Variants in DIAPH2 observed in about 807,000 individuals in gnomAD.
DIAPH2 encodes the protein diaphanous related formin 2, also known as protein diaphanous homolog 2.
DIAPH2 carries 35 observed loss-of-function variants against 92.7 expected under a neutral mutation model. The observed-to-expected ratio is 0.38, with a 90% CI of 0.29 to 0.50. The LOEUF (loss-of-function observed/expected upper bound fraction) is 0.50. Among genes scored for constraint, DIAPH2 ranks in the 20% least tolerant of loss-of-function variants. The pLI, the probability that DIAPH2 is intolerant of heterozygous loss-of-function variation, is 0.94. For synonymous variants in DIAPH2, 301 were observed against 280.4 expected (o/e 1.07, Z -0.73); for missense variants, 701 against 819.5 (o/e 0.86, Z 1.77).
intron 26 of DIAPH2, among the ~76,000 whole-genome samples, chrX:97,599,031 G>C (rs5966759): frequency 1.7e-4 from 19 of 111,016 alleles, no homozygotes; most frequent in African/African-American, 5.9e-4. Context: ...CTCTGACTTC[G>C]CTTACCAAGA....
chrX:96,842,172 T>TC (rs1318001842), intron 4 of DIAPH2, among the ~76,000 whole-genome samples: 2 of 111,887 alleles, frequency 1.8e-5, no homozygotes, highest in Admixed American at 1.9e-4. Flanking sequence ...ATGCCCTCCT[T>TC]CCCCAAGCTA....
At chrX:97,270,118 G>A (rs980044443) in intron 23 of DIAPH2, among the ~76,000 whole-genome samples, 2 of 110,784 alleles carry the variant, frequency 1.8e-5, no homozygotes, top group Non-Finnish European at 3.8e-5. Flanking sequence ...TAATAGAGAC[G>A]GGGTTTTTCC....
chrX:96,750,274 C>T (rs750013272), intron 3 of DIAPH2, among the ~76,000 whole-genome samples: 2 of 110,514 alleles, frequency 1.8e-5, no homozygotes, highest in African/African-American at 3.3e-5. Context: ...GTGATCCGCC[C>T]GCCTTGGCCT....
intron 1 of DIAPH2, among the ~76,000 whole-genome samples, chrX:96,734,259 G>T (rs1373576802): frequency 8.9e-6 from 1 of 111,973 alleles, no homozygotes; most frequent in African/African-American, 3.2e-5. Flanking sequence ...TTCCAGCCTG[G>T]AGTTTATAAC....
chrX:97,396,506 T>C (rs2069705824), intron 25 of DIAPH2, among the ~76,000 whole-genome samples: 1 of 110,516 alleles, frequency 9.0e-6, no homozygotes, highest in Non-Finnish European at 1.9e-5. Flanking sequence ...ACCCCGTCTC[T>C]ACTAAAACTA....
At chrX:97,498,628 A>T (rs1023898074) in intron 26 of DIAPH2, among the ~76,000 whole-genome samples, 10 of 111,346 alleles carry the variant, frequency 9.0e-5, no homozygotes, top group African/African-American at 3.3e-4. Context: ...GAGCCCTTAC[A>T]TCAGGAGACT....
In DIAPH2 at chrX:97,114,971, A is replaced by G; in HGVS notation, c.2589+6A>G. 1.7e-6 allele frequency: 2 copies of G among 1,153,284 alleles called. No individual in the cohort carries two copies. Among genetic ancestry groups the G allele is most frequent in the South Asian group, 2.2e-5 (1 of 45,954 alleles). On this transcript the variant is annotated splice_donor_region_variant and intron_variant, in intron 21 of 26. Transcript: ENST00000324765. Reference sequence around the variant, plus strand: ...AGATCAACTTCCTTTGTAAGGTAAGATGACATTTTATAATGCTAATTTACA... The same window carrying G: ...AGATCAACTTCCTTTGTAAGGTAAGGTGACATTTTATAATGCTAATTTACA...
At chrX:97,547,246 G>A (rs773867007) in intron 26 of DIAPH2, among the ~76,000 whole-genome samples, 10 of 111,356 alleles carry the variant, frequency 9.0e-5, no homozygotes, top group Middle Eastern at 4.6e-3. Flanking sequence ...TCAGACTGAT[G>A]GTAAAACAAG....
intron 22 of DIAPH2, among the ~76,000 whole-genome samples, chrX:97,173,744 G>GA (rs1458652123): frequency 9.1e-6 from 1 of 110,078 alleles, no homozygotes; most frequent in African/African-American, 3.3e-5. Flanking sequence ...CATATCTACA[G>GA]AAAAAATACA....
In DIAPH2 at chrX:96,916,502, C is replaced by G; in HGVS notation, c.797C>G (p.Pro266Arg). The change falls in exon 8 of 27, where the codon CCC (proline) becomes CGC (arginine). Residue 266 changes from proline to arginine, a missense_variant. Coordinates refer to ENST00000324765, the MANE Select transcript of DIAPH2 (RefSeq NM_006729.5). The part of the protein sequence containing the change: ...SLLLLARAID[P>R]KQPNMMTEIV... ...TTACTATTGGCAAGAGCAATTGACCCCAAACAACCCAACATGATGACTGAA... is the reference window on the plus strand; with the variant it reads ...TTACTATTGGCAAGAGCAATTGACCGCAAACAACCCAACATGATGACTGAA... 1 of 1,202,753 alleles carries G rather than the reference C, an allele frequency of 8.3e-7. No homozygotes were observed. Among genetic ancestry groups the G allele is most frequent in the Non-Finnish European group, 1.1e-6 (1 of 891,434 alleles).
At chrX:96,777,301 C>T (rs947233736) in intron 4 of DIAPH2, among the ~76,000 whole-genome samples, 2 of 111,421 alleles carry the variant, frequency 1.8e-5, no homozygotes, top group Non-Finnish European at 3.8e-5. Context: ...ATCCCTTTAT[C>T]GGATTAAAAT....
intron 5 of DIAPH2, among the ~76,000 whole-genome samples, chrX:96,895,518 A>C (rs1487202460): frequency 8.9e-6 from 1 of 112,072 alleles, no homozygotes; most frequent in Admixed American, 9.5e-5. Context: ...ACTATTTAAA[A>C]TAATAATCCT....
intron 25 of DIAPH2, among the ~76,000 whole-genome samples, chrX:97,395,881 C>T (rs891931389): frequency 8.9e-6 from 1 of 112,389 alleles, no homozygotes; most frequent in Non-Finnish European, 1.9e-5. Context: ...GTGTGCTGAA[C>T]ATTTAACAAG....
At chrX:96,814,486 G>A (rs1301596098) in intron 4 of DIAPH2, among the ~76,000 whole-genome samples, 6 of 111,572 alleles carry the variant, frequency 5.4e-5, no homozygotes, top group African/African-American at 1.6e-4. Context: ...CCTTTAGCTC[G>A]GAGAAGTTGG....
chrX:97,163,462 T>A (rs2067389683), intron 22 of DIAPH2, among the ~76,000 whole-genome samples: 1 of 111,982 alleles, frequency 8.9e-6, no homozygotes, highest in Admixed American at 9.5e-5. Flanking sequence ...AGTGCTAGGA[T>A]TATAGGTGTG....
At chrX:97,009,259 C>T (rs943562571) in intron 17 of DIAPH2, among the ~76,000 whole-genome samples, 3 of 111,071 alleles carry the variant, frequency 2.7e-5, no homozygotes, top group African/African-American at 6.5e-5. Context: ...CATTGAAGGC[C>T]GAAGGGCTCT....
intron 24 of DIAPH2, among the ~76,000 whole-genome samples, chrX:97,363,757 TAAG>T (rs2069352095): frequency 9.1e-6 from 1 of 109,565 alleles, no homozygotes; most frequent in South Asian, 4.0e-4. Context: ...ATATCTTATT[TAAG>T]AAGATAGACA....
At chrX:96,854,641 A>C (rs1335748908) in intron 4 of DIAPH2, among the ~76,000 whole-genome samples, 7 of 77,682 alleles carry the variant, frequency 9.0e-5, no homozygotes, top group East Asian at 8.2e-4. Context: ...ATATATATAT[A>C]TCCATCTGAT....
At chrX:97,257,184 A>G (rs2068244793) in intron 23 of DIAPH2, among the ~76,000 whole-genome samples, 1 of 111,999 alleles carries the variant, frequency 8.9e-6, no homozygotes, top group African/African-American at 3.2e-5. Context: ...TTGAATTTTA[A>G]TAATAGGATT....
Sources: allele counts gnomAD v4.1 joint callset (sites outside exome capture counted in the v4.1 genomes callset), GRCh38; gene constraint gnomAD v4.1.1; transcripts MANE v1.5; gene names NCBI Gene and HGNC (gene_info 2026-07-23, HGNC 2026-07-21).